SLCO3A1: variants seen among roughly 807,000 people sequenced by gnomAD.
The protein encoded by SLCO3A1 is solute carrier organic anion transporter family member 3A1, also known as PGE1 transporter.
In SLCO3A1, 27 loss-of-function variants were observed where a neutral mutation model predicts 63.1. The observed-to-expected ratio is 0.43, with a 90% confidence interval of 0.32 to 0.59. SLCO3A1 has a LOEUF of 0.59. Ranked by LOEUF, SLCO3A1 falls within the 20% of genes least tolerant of loss-of-function variation. The pLI is 0.09. For synonymous variants in SLCO3A1, 473 were observed against 409.9 expected, an observed-to-expected ratio of 1.15 and a Z score of -1.86; for missense variants, 773 against 945.8, an observed-to-expected ratio of 0.82 and a Z score of 2.40.
At chr15:92,019,495 G>A (rs1186113731) in intron 2 of SLCO3A1, among the ~76,000 whole-genome samples, 2 of 152,220 alleles carry the variant, frequency 1.3e-5, no homozygotes, top group Non-Finnish European at 2.9e-5. Flanking sequence ...GCCAAGCCCT[G>A]CCCTAGGCCC....
At chr15:92,113,507 T>C (rs935068788) in intron 4 of SLCO3A1, among the ~76,000 whole-genome samples, 5 of 152,204 alleles carry the variant, frequency 3.3e-5, no homozygotes, top group Non-Finnish European at 7.3e-5. Flanking sequence ...AAGGAAGCAC[T>C]ACCCTCTGCC....
intron 4 of SLCO3A1, among the ~76,000 whole-genome samples, chr15:92,111,957 T>C (rs543662634): frequency 3.3e-5 from 5 of 152,340 alleles, no homozygotes; most frequent in African/African-American, 1.2e-4. Flanking sequence ...TTCTGAAACA[T>C]ATGTGACTCA....
chr15:92,027,474 TG>T (rs1254104189), intron 2 of SLCO3A1, among the ~76,000 whole-genome samples: 2 of 152,250 alleles, frequency 1.3e-5, no homozygotes, highest in Admixed American at 6.5e-5. Flanking sequence ...TTTAGCAACT[TG>T]CCCAAGGTCA....
At chr15:92,015,747 A>T (rs2046418864) in intron 2 of SLCO3A1, among the ~76,000 whole-genome samples, 1 of 152,166 alleles carries the variant, frequency 6.6e-6, no homozygotes, top group African/African-American at 2.4e-5. Context: ...AGCATTGCTG[A>T]TGATAAGACT....
intron 1 of SLCO3A1, among the ~76,000 whole-genome samples, chr15:91,880,381 T>TTCTCTC (rs71464533): frequency 1.9e-4 from 23 of 121,784 alleles, no homozygotes; most frequent in Non-Finnish European, 2.5e-4. Context: ...GCACTCGTGC[T>TTCTCTC]TCTCTCTCTC....
intron 1 of SLCO3A1, among the ~76,000 whole-genome samples, chr15:91,879,056 A>C (rs1897481761): frequency 6.6e-6 from 1 of 152,248 alleles, no homozygotes; most frequent in South Asian, 2.1e-4. Flanking sequence ...TGATCTGCAC[A>C]CTTGCTTCTG....
chr15:92,140,018 A>T (rs2151579947), intron 7 of SLCO3A1, among the ~76,000 whole-genome samples: 1 of 133,026 alleles, frequency 7.5e-6, no homozygotes. Flanking sequence ...GCCTTCTGCT[A>T]GCTTTTGAAT....
At chr15:92,117,630 A>G (rs1035129241) in intron 4 of SLCO3A1, among the ~76,000 whole-genome samples, 8 of 152,202 alleles carry the variant, frequency 5.3e-5, no homozygotes, top group African/African-American at 7.2e-5. Flanking sequence ...GACGTGATCC[A>G]TACTGTTCTT....
Position 91,916,057 on chromosome 15 carries a change from C to G in SLCO3A1, c.245C>G (p.Ala82Gly). ...NLQSADVGVI[A>G]SSFEIGNLAL... Reference sequence around the variant, plus strand: ...CAGAGCGCTGACGTGGGTGTGATCGCTAGCAGCTTCGAGATCGGGAACCTG... The same window carrying G: ...CAGAGCGCTGACGTGGGTGTGATCGGTAGCAGCTTCGAGATCGGGAACCTG... Residue 82 changes from alanine to glycine, a missense_variant, in exon 2 of 10, where the codon GCT (alanine) becomes GGT (glycine). Ala to Gly is a moderately conservative substitution (Grantham distance 60). Around this residue, in one of 3 missense-constraint regions of SLCO3A1, gnomAD observed 565 missense variants for 749.8 expected, o/e 0.75. Transcript: ENST00000318445. This position sits in a 1 kb window ranked among gnomAD's most constrained non-coding sequence, Gnocchi z 6.2. 6.2e-7 allele frequency: 1 copy of G among 1,613,382 alleles called. No individual in the cohort carries two copies. Among genetic ancestry groups the G allele is most frequent in the Non-Finnish European group, 8.5e-7 (1 of 1,179,998 alleles).
At chr15:92,146,528 G>A (rs2048225809) in intron 7 of SLCO3A1, among the ~76,000 whole-genome samples, 1 of 152,210 alleles carries the variant, frequency 6.6e-6, no homozygotes, top group African/African-American at 2.4e-5. Flanking sequence ...CAAGTGCCGT[G>A]TTGGGCACTC....
In SLCO3A1 at chr15:91,976,323, G is replaced by C. The variant is rs191315149; in HGVS notation, c.646+59865G>C. Among the ~76,000 whole-genome samples the C allele has an allele frequency of 1.6e-3, 247 of 152,262 alleles. 1 individual carries two copies. The highest frequency in any genetic ancestry group is 5.7e-3 in the African/African-American group (237 of 41,546). ...TTGAAATGACACTTCAGATATTTTG[G>C]ATTAAATATTAAATATTATTAAAAT... On this transcript the variant is annotated intron_variant, in intron 2 of 9. Transcript: ENST00000318445.
rs554092281 is a variant in SLCO3A1, at chr15:92,060,782, G to A, written c.647-34099G>A. ...CCCAAAGTGCTAGGATTACAGGCATGAGCCACTGTGCCCGGCCGGTACTTT... is the reference window on the plus strand; with the variant it reads ...CCCAAAGTGCTAGGATTACAGGCATAAGCCACTGTGCCCGGCCGGTACTTT... On this transcript the variant is annotated intron_variant, in intron 2 of 9. Coordinates refer to ENST00000318445, the MANE Select transcript of SLCO3A1 (RefSeq NM_013272.4). Among the ~76,000 whole-genome samples the A allele has an allele frequency of 1.3e-4, 20 of 152,310 alleles. No homozygotes were observed. The South Asian group carries it at 3.7e-3, about 28-fold the overall frequency.
chr15:92,018,320 G>A (rs2046464333), intron 2 of SLCO3A1, among the ~76,000 whole-genome samples: 1 of 152,208 alleles, frequency 6.6e-6, no homozygotes, highest in Admixed American at 6.5e-5. Flanking sequence ...ACTGTGCACA[G>A]TAGTCCTTGA....
intron 6 of SLCO3A1, among the ~76,000 whole-genome samples, chr15:92,128,034 C>A (rs974268158): frequency 2.0e-5 from 3 of 152,086 alleles, no homozygotes; most frequent in African/African-American, 7.2e-5. Context: ...ACATCAATAC[C>A]AGTGATAAAA....
At chr15:91,946,981 A>G (rs775051196) in intron 2 of SLCO3A1, among the ~76,000 whole-genome samples, 7 of 152,182 alleles carry the variant, frequency 4.6e-5, no homozygotes, top group African/African-American at 9.7e-5. Context: ...GGATGAGTCA[A>G]TGGTGCTCAC....
At chr15:92,051,712 G>A (rs1348368682) in intron 2 of SLCO3A1, among the ~76,000 whole-genome samples, 1 of 152,124 alleles carries the variant, frequency 6.6e-6, no homozygotes, top group Non-Finnish European at 1.5e-5. Context: ...GTTCGTGCTT[G>A]TATCTGAGAG....
At chr15:92,171,541 A>G (rs2048521489) in intron 10 of SLCO3A1, 7 of 484,948 alleles carry the variant, frequency 1.4e-5, no homozygotes, top group African/African-American at 3.9e-5. Context: ...GGGGTTGGTC[A>G]TGTAGATAAA....
intron 2 of SLCO3A1, among the ~76,000 whole-genome samples, chr15:91,987,999 T>C (rs12708589): frequency 0.63 from 95,879 of 152,046 alleles, 31,061 homozygotes; most frequent in African/African-American, 0.76. Context: ...TTTATTTTGA[T>C]TTACAAACCC....
At position 92,162,806 on chromosome 15, in the gene SLCO3A1, C is replaced by A. The variant is rs751049779; in HGVS notation, c.1804C>A (p.Leu602Met). 1.9e-6 allele frequency: 3 copies of A among 1,614,064 alleles called. No homozygotes were observed. The highest frequency in any genetic ancestry group is 2.5e-6 in the Non-Finnish European group (3 of 1,180,022). Residue 602 changes from leucine to methionine, a missense_variant, in exon 10 of 10, where the codon CTG becomes ATG. By Grantham distance (15) the Leu-to-Met change is conservative. This residue lies in a region of SLCO3A1 where 565 missense variants were observed against 749.8 expected (regional missense o/e 0.75). Coordinates refer to ENST00000318445, the MANE Select transcript of SLCO3A1 (RefSeq NM_013272.4). ...IFGAGIDSTC[L>M]FWSTFCGEQG... Reference sequence around the variant, plus strand: ...CGGGGCTGGCATCGACTCCACCTGCCTGTTCTGGAGCACGTTCTGTGGGGA... The same window carrying A: ...CGGGGCTGGCATCGACTCCACCTGCATGTTCTGGAGCACGTTCTGTGGGGA...
Sources: allele counts gnomAD v4.1 joint callset (sites outside exome capture counted in the v4.1 genomes callset), GRCh38; gene constraint gnomAD v4.1.1; regional missense constraint gnomAD v4.1.1; non-coding constraint Gnocchi (gnomAD v3.1); transcripts MANE v1.5; gene names NCBI Gene and HGNC (gene_info 2026-07-23, HGNC 2026-07-21).